The following ITGAM variants were observed in gnomAD, a reference collection of about 807,000 sequenced individuals.
ITGAM encodes integrin subunit alpha M.
Under a neutral mutation model 137.5 loss-of-function variants are expected in ITGAM, and 79 were observed. That is an observed-to-expected ratio of 0.57 (90% CI 0.48 to 0.69). The LOEUF (loss-of-function observed/expected upper bound fraction) is 0.69, where lower values mean the gene tolerates loss of function less well. ITGAM is among the 30% of genes least tolerant of loss of function. ITGAM has a pLI of 0.00. For synonymous variants in ITGAM, 583 were observed against 592.3 expected (o/e 0.98, Z 0.23); for missense variants, 1,343 against 1,483.5 (o/e 0.91, Z 1.56).
chr16:31,313,791 G>A (rs2080361001), intron 14 of ITGAM, among the ~76,000 whole-genome samples: 1 of 152,174 alleles, frequency 6.6e-6, no homozygotes, highest in Admixed American at 6.5e-5. Flanking sequence ...TTAGATCCTT[G>A]AGGAATCGCC....
chr16:31,280,148 T>C (rs1223487274), intron 12 of ITGAM, among the ~76,000 whole-genome samples: 1 of 152,222 alleles, frequency 6.6e-6, no homozygotes, highest in Admixed American at 6.5e-5. Flanking sequence ...AGTCTTGTAA[T>C]ATAGTTTGAA....
rs909097150 is a variant in ITGAM, at chr16:31,321,704, C to T, written c.2002+77C>T. On this transcript the variant is annotated intron_variant, in intron 16 of 29. Coordinates refer to ENST00000544665, the MANE Select transcript of ITGAM (RefSeq NM_000632.4). ...GGGTGCTGCAATCCACTCTGCCCAG[C>T]CTTCTGGCTGTCCTGAACTGAGTTC... is the stretch of plus-strand genomic sequence containing the variant. The T allele has an allele frequency of 2.1e-6, 3 of 1,458,656 alleles. No homozygotes were observed. In the South Asian group the frequency reaches 3.8e-5, roughly 18 times the overall value. The allele number at this position is 1,458,656 out of a possible 1,614,324, so 90.4% of individuals were successfully genotyped here.
At chr16:31,325,912 A>G (rs1234598481) in intron 21 of ITGAM, among the ~76,000 whole-genome samples, 1 of 152,022 alleles carries the variant, frequency 6.6e-6, no homozygotes, top group East Asian at 1.9e-4. Flanking sequence ...CAAAAAATGT[A>G]AAAATTAGCT....
At chr16:31,325,448 A>C (rs1431632668) in intron 20 of ITGAM, 44 bp downstream of exon 20, 2 of 1,612,720 alleles carry the variant, frequency 1.2e-6, no homozygotes, top group African/African-American at 2.7e-5. Context: ...TTGCTTCCCC[A>C]TCCTCACGGC....
intron 7 of ITGAM, among the ~76,000 whole-genome samples, chr16:31,272,465 T>TATA (rs2079861595): frequency 6.3e-4 from 7 of 11,046 alleles, no homozygotes; most frequent in Non-Finnish European, 8.5e-4. Flanking sequence ...ATATATATAT[T>TATA]TTTTTTTTTT....
In ITGAM at chr16:31,275,642, T is replaced by C. The variant is rs1285990753; in HGVS notation, c.952T>C (p.Phe318Leu). The C allele has an allele frequency of 6.2e-7, 1 of 1,613,916 alleles. No individual in the cohort carries two copies. Among genetic ancestry groups the C allele is most frequent in the Non-Finnish European group, 8.5e-7 (1 of 1,179,876 alleles). The change falls in exon 9 of 30, where the codon TTT becomes CTT. Residue 318 changes from phenylalanine to leucine, a missense_variant. Transcript: ENST00000544665. ...TGATCACGTGTTCCAGGTGAATAAC[T>C]TTGAGGCTCTGAAGACCATTCAGAA... ...PRDHVFQVNNFEALKTIQNQL... is the reference protein window; with the variant it reads ...PRDHVFQVNNLEALKTIQNQL...
chr16:31,329,934 C>G (rs368099350), intron 25 of ITGAM, 29 bp downstream of exon 25: 7 of 1,537,824 alleles, frequency 4.6e-6, no homozygotes, highest in Non-Finnish European at 6.2e-6. Context: ...GACTCCTGCA[C>G]GGCCCTGCGC....
intron 2 of ITGAM, among the ~76,000 whole-genome samples, chr16:31,262,986 G>C (rs2079722377): frequency 6.6e-6 from 1 of 152,144 alleles, no homozygotes; most frequent in Non-Finnish European, 1.5e-5. Flanking sequence ...CTGTCGCCCA[G>C]GCTGGAGTGC....
chr16:31,297,861 G>A lies in ITGAM; in HGVS notation c.1614G>A (p.Val538=). The A allele has an allele frequency of 6.2e-7, 1 of 1,613,992 alleles. No homozygotes were observed. The change falls in exon 14 of 30, where the codon GTG becomes GTA. Residue 538 remains valine (V), a synonymous_variant. Coordinates refer to ENST00000544665, the MANE Select transcript of ITGAM (RefSeq NM_000632.4). ...TAAATGGGGACAAGCTGACGGACGT[G>A]GCCATTGGGGCCCCAGGAGAGGAGG... ...GDVNGDKLTD[V]AIGAPGEEDN...
intron 14 of ITGAM, among the ~76,000 whole-genome samples, chr16:31,299,062 T>G (rs2080168418): frequency 6.6e-6 from 1 of 152,118 alleles, no homozygotes; most frequent in African/African-American, 2.4e-5. Flanking sequence ...AGCCTTACAT[T>G]TTTCTTTCTT....
chr16:31,299,837 G>C (rs1476790612), intron 14 of ITGAM, among the ~76,000 whole-genome samples: 1 of 88,668 alleles, frequency 1.1e-5, no homozygotes, highest in Admixed American at 1.7e-4. Context: ...CCTCCTCGTC[G>C]TCCTCCTCTC....
intron 8 of ITGAM, chr16:31,273,834 G>A: frequency 4.0e-6 from 1 of 250,746 alleles, no homozygotes; most frequent in South Asian, 5.5e-5. Flanking sequence ...TGTTTCTGAG[G>A]GTTGCCAGCT....
intron 12 of ITGAM, among the ~76,000 whole-genome samples, chr16:31,288,761 A>AT (rs1299072490): frequency 6.6e-6 from 1 of 152,218 alleles, no homozygotes; most frequent in Non-Finnish European, 1.5e-5. Context: ...GACAAATGGG[A>AT]TCTAATTAAA....
intron 12 of ITGAM, 86 bp from the exon 13 acceptor site, chr16:31,297,428 A>G: frequency 1.3e-6 from 2 of 1,545,298 alleles, no homozygotes; most frequent in Non-Finnish European, 1.8e-6. Flanking sequence ...TTCCCCCAGC[A>G]GGCATAACTT....
chr16:31,265,739 C>T, intron 3 of ITGAM, 72 bp from the exon 4 acceptor site: 3 of 1,357,712 alleles, frequency 2.2e-6, no homozygotes, highest in East Asian at 4.6e-5. Context: ...ATGGAGGTGA[C>T]CCCTGCCCAG....
At chr16:31,273,941 T>C (rs1488505228) in intron 8 of ITGAM, among the ~76,000 whole-genome samples, 2 of 152,218 alleles carry the variant, frequency 1.3e-5, no homozygotes, top group Non-Finnish European at 2.9e-5. Flanking sequence ...AGCCTGGGCA[T>C]GTCCTCATGG....
At chr16:31,329,940 T>A in intron 25 of ITGAM, 35 bp downstream of exon 25, 1 of 1,537,020 alleles carries the variant, frequency 6.5e-7, no homozygotes. Context: ...TGCACGGCCC[T>A]GCGCGTTCCT....
At chr16:31,263,114 G>C (rs2079723963) in intron 2 of ITGAM, among the ~76,000 whole-genome samples, 1 of 152,024 alleles carries the variant, frequency 6.6e-6, no homozygotes, top group Non-Finnish European at 1.5e-5. Context: ...GCTAATTTTT[G>C]TATTTTTGTA....
chr16:31,277,145 T>C, intron 11 of ITGAM, 96 bp downstream of exon 11: 1 of 1,069,234 alleles, frequency 9.4e-7, no homozygotes, highest in South Asian at 1.8e-5. Context: ...ATGGGATACA[T>C]ATGTATGGGA....
Sources: allele counts gnomAD v4.1 joint callset (sites outside exome capture counted in the v4.1 genomes callset), GRCh38; gene constraint gnomAD v4.1.1; transcripts MANE v1.5; gene names NCBI Gene and HGNC (gene_info 2026-07-23, HGNC 2026-07-21).